Variants in TENM1 observed in about 807,000 individuals in gnomAD.
TENM1 encodes teneurin-1.
TENM1 carries 35 observed loss-of-function variants against 174.8 expected under a neutral mutation model. The ratio of observed to expected loss-of-function variants is 0.20; its 90% CI spans 0.15 to 0.27. TENM1 has a LOEUF of 0.27. TENM1 is among the 10% of genes least tolerant of loss of function. The probability of loss-of-function intolerance (pLI) is 1.00; values close to 1 mark genes in which losing one functional copy is unlikely to be tolerated. For synonymous variants in TENM1, 781 were observed against 798.7 expected (o/e 0.98, Z 0.37); for missense variants, 1,633 against 2,130.1 (o/e 0.77, Z 4.59).
intron 3 of TENM1, among the ~76,000 whole-genome samples, chrX:124,808,424 CCA>C: frequency 9.0e-6 from 1 of 111,606 alleles, no homozygotes; most frequent in African/African-American, 3.2e-5. Context: ...GACGGATCAA[CCA>C]GGCAGAAAAT....
exon 26 of TENM1, chrX:124,406,423 A>C: frequency 8.3e-7 from 1 of 1,208,094 alleles, no homozygotes. Context: ...TCTCCAGGTC[A>C]CTGTGGAAGC....
In TENM1 at chrX:124,801,746, A is replaced by G. The variant is rs189189132; in HGVS notation, c.536-64549T>C. ...TACCAGTTTTTCCTTTTCATATTTA[A>G]TACTTCCTTCAGGAGCTCTTGCAAG... On this transcript the variant is annotated intron_variant, in intron 3 of 31. Coordinates refer to ENST00000422452, the Ensembl canonical transcript of TENM1. Among the ~76,000 whole-genome samples, 13 of 111,204 alleles carry G rather than the reference A, an allele frequency of 1.2e-4. No individual in the cohort carries two copies. The East Asian group carries it at 3.1e-3, about 27-fold the overall frequency.
chrX:125,054,523 GCAGT>G, the TENM1 span, among the ~76,000 whole-genome samples: 1 of 110,680 alleles, frequency 9.0e-6, no homozygotes, highest in Non-Finnish European at 1.9e-5. Context: ...TTCCAGAAGT[GCAGT>G]CAGTTTAAAA....
intron 11 of TENM1, among the ~76,000 whole-genome samples, chrX:124,629,393 C>A (rs1057424745): frequency 1.8e-5 from 2 of 112,195 alleles, no homozygotes; most frequent in Non-Finnish European, 3.8e-5. Context: ...ATTAATTCAG[C>A]TTTACAGTGT....
chrX:124,823,574 T>C (rs1362530966), intron 3 of TENM1, among the ~76,000 whole-genome samples: 1 of 110,975 alleles, frequency 9.0e-6, no homozygotes, highest in Non-Finnish European at 1.9e-5. Flanking sequence ...GAAGTCGAAA[T>C]ACTAAAAAGT....
intron 1 of TENM1, among the ~76,000 whole-genome samples, chrX:124,915,094 T>C (rs1215175499): frequency 8.9e-6 from 1 of 111,947 alleles, no homozygotes; most frequent in Admixed American, 9.5e-5. Context: ...TTCTTTCTTA[T>C]ATTTGATTTC....
At chrX:124,448,585 C>T (rs1407653882) in intron 23 of TENM1, among the ~76,000 whole-genome samples, 1 of 111,175 alleles carries the variant, frequency 9.0e-6, no homozygotes, top group African/African-American at 3.3e-5. Flanking sequence ...GAAGGCCCTT[C>T]ACCATTTCAC....
At chrX:124,538,285 G>T (rs5956662) in intron 15 of TENM1, among the ~76,000 whole-genome samples, 25,008 of 111,012 alleles carry the variant, frequency 0.23, 2,719 homozygotes, top group African/African-American at 0.43. Flanking sequence ...AGCAACAACC[G>T]TACTTCCCAA....
intron 23 of TENM1, among the ~76,000 whole-genome samples, chrX:124,437,596 A>G (rs747284565): frequency 8.9e-6 from 1 of 111,986 alleles, no homozygotes; most frequent in East Asian, 2.8e-4. Context: ...ACAATTCTGT[A>G]CCAAATGGTT....
At chrX:124,894,166 C>A in intron 3 of TENM1, 130 bp downstream of exon 6, 1 of 482,060 alleles carries the variant, frequency 2.1e-6, no homozygotes, top group Non-Finnish European at 3.6e-6. Context: ...CCACTGTATT[C>A]TCTGACAGGT....
chrX:124,486,792 C>T (rs1447824122), intron 21 of TENM1, among the ~76,000 whole-genome samples: 1 of 111,899 alleles, frequency 8.9e-6, no homozygotes, highest in African/African-American at 3.2e-5. Context: ...ATCATGGTCA[C>T]TGTCTCTTAA....
At chrX:124,770,506 A>G (rs1279176351) in intron 3 of TENM1, among the ~76,000 whole-genome samples, 35 of 111,354 alleles carry the variant, frequency 3.1e-4, no homozygotes, top group Non-Finnish European at 1.9e-5. Flanking sequence ...CCTGGGCTCA[A>G]GTGATCCTCC....
intron 3 of TENM1, among the ~76,000 whole-genome samples, chrX:124,869,385 T>C (rs915531813): frequency 9.0e-6 from 1 of 111,727 alleles, no homozygotes; most frequent in South Asian, 3.7e-4. Flanking sequence ...GGAGAACAGT[T>C]TGGAGATTCT....
At chrX:124,809,096 C>T (rs191592496) in intron 3 of TENM1, among the ~76,000 whole-genome samples, 90 of 110,006 alleles carry the variant, frequency 8.2e-4, no homozygotes, top group Non-Finnish European at 1.4e-3. Context: ...AAGACTCAAA[C>T]GAAAATCAGA....
intron 3 of TENM1, among the ~76,000 whole-genome samples, chrX:124,795,872 CCTGAAAAAGCAACAGAATTG>C (rs1321180710): frequency 9.0e-6 from 1 of 110,775 alleles, no homozygotes; most frequent in African/African-American, 3.3e-5. Flanking sequence ...CTGAAAATGG[CCTGAAAAAGCAACAGAATTG>C]CTTTTCAGAA....
chrX:125,120,087 C>T, the TENM1 span, among the ~76,000 whole-genome samples: 3 of 111,590 alleles, frequency 2.7e-5, no homozygotes, highest in Middle Eastern at 0.014. Context: ...ATAACATAAC[C>T]TTTTCCCAGA....
intron 3 of TENM1, among the ~76,000 whole-genome samples, chrX:124,879,236 C>T (rs2057262244): frequency 8.9e-6 from 1 of 112,014 alleles, no homozygotes; most frequent in Non-Finnish European, 1.9e-5. Flanking sequence ...TTCTATCTAA[C>T]AGTATCTTTG....
At position 124,420,523 on chromosome X, in the gene TENM1, A is replaced by G. The variant is rs1218135330; in HGVS notation, c.4770T>C (p.Asn1590=). 4.1e-6 allele frequency: 5 copies of G among 1,211,061 alleles called. No individual in the cohort carries two copies. The African/African-American group carries it at 7.0e-5, about 17-fold the overall frequency. ...CACGGCGAATGTGCACTGAATTGCCATTGCTGCTGGTAATCGCGCCCAAGT... is the reference window on the plus strand; with the variant it reads ...CACGGCGAATGTGCACTGAATTGCCGTTGCTGCTGGTAATCGCGCCCAAGT... Residue 1590 remains asparagine, a synonymous_variant, in exon 25 of 32, where the codon AAT becomes AAC. Coordinates refer to ENST00000422452, the Ensembl canonical transcript of TENM1.
chrX:124,402,050 G>A (rs2060406571), intron 27 of TENM1, among the ~76,000 whole-genome samples: 2 of 112,182 alleles, frequency 1.8e-5, no homozygotes, highest in Non-Finnish European at 3.8e-5. Flanking sequence ...GCAGTAGAAA[G>A]AGTGCCATGC....
Sources: gnomAD v4.1 joint callset for allele counts (sites outside exome capture counted in the v4.1 genomes callset) on GRCh38, gnomAD v4.1.1 for gene constraint, MANE v1.5 for transcripts, NCBI Gene and HGNC (gene_info 2026-07-23, HGNC 2026-07-21) for gene names.